Variants in EIPR1 observed in about 807,000 individuals in gnomAD.
EIPR1 encodes the protein EARP and GARP complex-interacting protein 1.
In EIPR1, 25 loss-of-function variants were observed where a neutral mutation model predicts 48.1. That is an observed-to-expected ratio of 0.52 (90% CI 0.38 to 0.73). The LOEUF is 0.73. EIPR1 is among the 30% of genes least tolerant of loss of function. The probability of loss-of-function intolerance (pLI) is 0.00; values close to 1 mark genes in which losing one functional copy is unlikely to be tolerated. For synonymous variants in EIPR1, 204 were observed against 201.9 expected, an observed-to-expected ratio of 1.01 and a Z score of -0.09; for missense variants, 415 against 506.2, an observed-to-expected ratio of 0.82 and a Z score of 1.73.
At chr2:3,367,776 CG>C (rs1671011262) in intron 1 of EIPR1, among the ~76,000 whole-genome samples, 4 of 152,224 alleles carry the variant, frequency 2.6e-5, no homozygotes, top group Admixed American at 2.6e-4. Flanking sequence ...CGGCTGGGTG[CG>C]GGGGCTCACA....
chr2:3,235,973 G>C (rs1666392746), intron 4 of EIPR1, among the ~76,000 whole-genome samples: 1 of 152,080 alleles, frequency 6.6e-6, no homozygotes, highest in African/African-American at 2.4e-5. Flanking sequence ...GAGAAAAGTG[G>C]GTTTTGCCAA....
chr2:3,295,266 C>CTG (rs1558280146), intron 3 of EIPR1, among the ~76,000 whole-genome samples: 1 of 103,084 alleles, frequency 9.7e-6, no homozygotes, highest in Non-Finnish European at 2.0e-5. Flanking sequence ...CGTCCTCTCT[C>CTG]CACACACACC....
intron 3 of EIPR1, among the ~76,000 whole-genome samples, chr2:3,294,792 C>T (rs1668488643): frequency 1.4e-5 from 2 of 144,792 alleles, no homozygotes; most frequent in African/African-American, 2.6e-5. Context: ...ACATACACAC[C>T]CTCCATCCAG....
intron 3 of EIPR1, among the ~76,000 whole-genome samples, chr2:3,303,853 A>G (rs978772508): frequency 6.6e-6 from 1 of 152,226 alleles, no homozygotes; most frequent in Non-Finnish European, 1.5e-5. Flanking sequence ...CTGACCAGCC[A>G]TAACAGACAG....
At chr2:3,303,049 C>G (rs762019209) in intron 3 of EIPR1, among the ~76,000 whole-genome samples, 1 of 152,212 alleles carries the variant, frequency 6.6e-6, no homozygotes, top group Non-Finnish European at 1.5e-5. Context: ...GTGACAGTGG[C>G]GCTGGCTCAC....
chr2:3,361,301 C>T (rs992878900), intron 1 of EIPR1, among the ~76,000 whole-genome samples: 14 of 152,160 alleles, frequency 9.2e-5, no homozygotes, highest in African/African-American at 3.4e-4. Context: ...TCTTTGCAAG[C>T]CCCTGGTGCA....
chr2:3,291,478 T>C (rs186005083), intron 3 of EIPR1, among the ~76,000 whole-genome samples: 6 of 152,290 alleles, frequency 3.9e-5, no homozygotes, highest in African/African-American at 1.4e-4. Flanking sequence ...AGAGAGATGG[T>C]TAGTTGTTAA....
chr2:3,346,653 G>C (rs1670411472), intron 2 of EIPR1, among the ~76,000 whole-genome samples: 1 of 152,090 alleles, frequency 6.6e-6, no homozygotes, highest in Non-Finnish European at 1.5e-5. Context: ...TTATTTTAGA[G>C]GCATGCATAC....
At chr2:3,283,771 C>T (rs764201966) in intron 3 of EIPR1, among the ~76,000 whole-genome samples, 7 of 151,940 alleles carry the variant, frequency 4.6e-5, no homozygotes, top group Non-Finnish European at 7.4e-5. Flanking sequence ...TGGTGAAATC[C>T]CATCTCTACT....
intron 4 of EIPR1, among the ~76,000 whole-genome samples, chr2:3,253,599 C>A (rs1196022064): frequency 6.6e-6 from 1 of 152,270 alleles, no homozygotes; most frequent in East Asian, 1.9e-4. Flanking sequence ...GACGAGAAAC[C>A]GGACTCAGTA....
chr2:3,321,883 C>T (rs1669540702), intron 3 of EIPR1, among the ~76,000 whole-genome samples: 5 of 152,214 alleles, frequency 3.3e-5, no homozygotes, highest in Admixed American at 2.0e-4. Flanking sequence ...GCCTCATCCA[C>T]GGACTCCTCA....
At chr2:3,373,861 A>G (rs1659775933) in intron 1 of EIPR1, among the ~76,000 whole-genome samples, 1 of 152,072 alleles carries the variant, frequency 6.6e-6, no homozygotes, top group Non-Finnish European at 1.5e-5. Context: ...CTTTCTTCAC[A>G]GAATTAGAAA....
Position 3,339,811 on chromosome 2 carries a change from G to A in EIPR1, c.127-1662C>T, listed in dbSNP as rs562961478. ...TAAAAATACAAAAAATTAGCCGGGC[G>A]TGGTGGCGGGCACCTGTAGTCCCAG... On this transcript the variant is annotated intron_variant, in intron 2 of 8. Coordinates refer to ENST00000382125, the MANE Select transcript of EIPR1 (RefSeq NM_003310.5). Among the ~76,000 whole-genome samples, 59 of 152,308 alleles carry A rather than the reference G, an allele frequency of 3.9e-4. No individual in the cohort carries two copies. In the South Asian group the frequency reaches 0.011, roughly 29 times the overall value.
At chr2:3,311,872 GCT>G (rs761652766) in intron 3 of EIPR1, among the ~76,000 whole-genome samples, 31 of 152,164 alleles carry the variant, frequency 2.0e-4, no homozygotes, top group South Asian at 6.2e-4. Flanking sequence ...GGGGCATGAA[GCT>G]CCAGTCTTGG....
At chr2:3,340,668 T>C (rs962842803) in intron 2 of EIPR1, among the ~76,000 whole-genome samples, 1 of 152,158 alleles carries the variant, frequency 6.6e-6, no homozygotes, top group Non-Finnish European at 1.5e-5. Context: ...CAGAAACACA[T>C]GTGTCCCATG....
At chr2:3,265,814 G>A (rs1391037173) in intron 3 of EIPR1, among the ~76,000 whole-genome samples, 2 of 152,210 alleles carry the variant, frequency 1.3e-5, no homozygotes, top group South Asian at 4.1e-4. Flanking sequence ...CACAAATGAG[G>A]AAACTGAGGC....
chr2:3,340,083 CTA>C (rs1185299896), intron 2 of EIPR1, among the ~76,000 whole-genome samples: 2 of 152,254 alleles, frequency 1.3e-5, no homozygotes, highest in Non-Finnish European at 2.9e-5. Flanking sequence ...GCAGATGCTG[CTA>C]TGTTTCCTGA....
intron 1 of EIPR1, among the ~76,000 whole-genome samples, chr2:3,358,452 G>A (rs1415526565): frequency 6.6e-6 from 1 of 152,146 alleles, no homozygotes; most frequent in African/African-American, 2.4e-5. Context: ...CATGTCTAGA[G>A]CAACATTCCC....
At chr2:3,229,208 C>G (rs1299345003) in intron 4 of EIPR1, among the ~76,000 whole-genome samples, 3 of 152,350 alleles carry the variant, frequency 2.0e-5, no homozygotes, top group East Asian at 3.9e-4. Context: ...GTGATCCACA[C>G]ATTTTGTTAG....
Sources: gnomAD v4.1 joint callset for allele counts (sites outside exome capture counted in the v4.1 genomes callset) on GRCh38, gnomAD v4.1.1 for gene constraint, MANE v1.5 for transcripts, NCBI Gene and HGNC (gene_info 2026-07-23, HGNC 2026-07-21) for gene names.